TENM2: variants seen among roughly 807,000 people sequenced by gnomAD.
The protein encoded by TENM2 is teneurin transmembrane protein 2.
In TENM2, 52 loss-of-function variants were observed where a neutral mutation model predicts 245.2. That is an observed-to-expected ratio of 0.21 (90% CI 0.17 to 0.27). TENM2 has a LOEUF of 0.27. Among genes scored for constraint, TENM2 ranks in the 10% least tolerant of loss-of-function variants. The pLI is 1.00. For synonymous variants in TENM2, 1,363 were observed against 1,438.9 expected, an observed-to-expected ratio of 0.95 and a Z score of 1.19; for missense variants, 3,046 against 3,666.8, an observed-to-expected ratio of 0.83 and a Z score of 4.37.
the TENM2 span, among the ~76,000 whole-genome samples, chr5:167,097,650 G>T: frequency 6.6e-6 from 1 of 152,096 alleles, no homozygotes; most frequent in African/African-American, 2.4e-5. Context: ...GTGCTTTTTG[G>T]CAGCAAGACA....
At chr5:166,985,609 C>A in the TENM2 span, among the ~76,000 whole-genome samples, 1 of 152,056 alleles carries the variant, frequency 6.6e-6, no homozygotes, top group South Asian at 2.1e-4. Flanking sequence ...CAGATGAAAC[C>A]AATTACTAAA....
chr5:167,513,086 G>A (rs931190510), intron 2 of TENM2, among the ~76,000 whole-genome samples: 2 of 152,126 alleles, frequency 1.3e-5, no homozygotes, highest in African/African-American at 4.8e-5. Context: ...ATTTTTCATA[G>A]ACATGAGATA....
chr5:168,202,555 G>C (rs1369980133), intron 17 of TENM2, among the ~76,000 whole-genome samples: 1 of 149,836 alleles, frequency 6.7e-6, no homozygotes, highest in South Asian at 2.2e-4. Context: ...TTCATTTCTT[G>C]CTCCAGCCAT....
intron 2 of TENM2, among the ~76,000 whole-genome samples, chr5:167,414,715 G>T (rs1184170198): frequency 6.6e-6 from 1 of 152,094 alleles, no homozygotes; most frequent in Non-Finnish European, 1.5e-5. Context: ...ACTAACAGAT[G>T]ATTTAAATGG....
At chr5:167,991,812 G>A (rs1783689144) in intron 4 of TENM2, among the ~76,000 whole-genome samples, 2 of 152,328 alleles carry the variant, frequency 1.3e-5, no homozygotes, top group African/African-American at 4.8e-5. Flanking sequence ...AAGGGTCAGA[G>A]ACAGTGTAGG....
chr5:167,947,381 G>T (rs2545250), intron 3 of TENM2, among the ~76,000 whole-genome samples: 2,383 of 152,246 alleles, frequency 0.016, 61 homozygotes, highest in African/African-American at 0.053. Context: ...TAACAATCAT[G>T]TATGAGAAGT....
chr5:167,373,464 C>T (rs552506410), intron 1 of TENM2, among the ~76,000 whole-genome samples: 1 of 152,232 alleles, frequency 6.6e-6, no homozygotes, highest in Non-Finnish European at 1.5e-5. Context: ...AGGTTTTCTC[C>T]ACTCATAGCA....
At chr5:167,970,798 C>T (rs1297371201) in intron 4 of TENM2, among the ~76,000 whole-genome samples, 1 of 151,724 alleles carries the variant, frequency 6.6e-6, no homozygotes, top group Non-Finnish European at 1.5e-5. Flanking sequence ...GTTTATACTC[C>T]AGTGAATTAA....
At chr5:167,172,417 C>T in the TENM2 span, among the ~76,000 whole-genome samples, 1 of 152,102 alleles carries the variant, frequency 6.6e-6, no homozygotes, top group South Asian at 2.1e-4. Flanking sequence ...GAACCTAAGG[C>T]TCAATTAAGG....
In TENM2 at chr5:167,569,005, A is replaced by G. The variant is rs1347577679; in HGVS notation, c.502+193532A>G. Among the ~76,000 whole-genome samples the G allele has an allele frequency of 2.1e-5, 3 of 140,480 alleles. No homozygotes were observed. In the East Asian group the frequency reaches 7.2e-4, roughly 34 times the overall value. The allele number at this position is 140,480 out of a possible 152,430, so 92.2% of individuals were successfully genotyped here. On this transcript the variant is annotated intron_variant, in intron 2 of 28. Transcript: ENST00000518659. ...TTCCATGCATGGAATGGGTGGCCTG[A>G]GGGGCCCATCTTCAAGCAGAATGTA...
Position 167,640,896 on chromosome 5 carries a change from T to G in TENM2, c.503-235090T>G, listed in dbSNP as rs1195343642. On this transcript the variant is annotated intron_variant, in intron 2 of 28. Transcript: ENST00000518659. ...ATATATATATATATATATATATATATATATATATATCTTTCTCTTAAGCTT... is the reference window on the plus strand; with the variant it reads ...ATATATATATATATATATATATATAGATATATATATCTTTCTCTTAAGCTT... Among the ~76,000 whole-genome samples the G allele has an allele frequency of 3.5e-4, 35 of 99,494 alleles. 1 individual carries two copies. The South Asian group carries it at 0.011, about 30-fold the overall frequency. 65.3% of individuals were successfully genotyped at this position (99,494 alleles called of 152,430 possible).
rs1782701392 is a variant in TENM2 at position 167,979,825 on chromosome 5, C to A, written c.948-13119C>A. ...CTTCACAACAGATTTTAAAAAATAA[C>A]CGTGTGTAGGAATAATACGAACATG... On this transcript the variant is annotated intron_variant, in intron 4 of 28. Transcript: ENST00000518659. Among the ~76,000 whole-genome samples the A allele has an allele frequency of 3.3e-5, 5 of 152,204 alleles. No individual in the cohort carries two copies. The South Asian group carries it at 1.0e-3, about 32-fold the overall frequency.
chr5:167,952,447 G>A (rs1243169988), intron 3 of TENM2, 141 bp from the exon 6 acceptor site: 2 of 677,024 alleles, frequency 3.0e-6, no homozygotes, highest in Non-Finnish European at 5.1e-6. Flanking sequence ...GCCTGCCGCA[G>A]TCTTATCTGT....
At chr5:168,081,726 A>G (rs1381606614) in intron 7 of TENM2, among the ~76,000 whole-genome samples, 1 of 152,164 alleles carries the variant, frequency 6.6e-6, no homozygotes, top group Non-Finnish European at 1.5e-5. Context: ...CTGGGTTGAA[A>G]ATTCTTTTCT....
intron 8 of TENM2, among the ~76,000 whole-genome samples, chr5:168,097,104 A>G (rs1282161654): frequency 2.0e-5 from 3 of 152,234 alleles, no homozygotes; most frequent in Admixed American, 2.0e-4. Context: ...TCCTATTTAA[A>G]GAATTCCAAA....
At chr5:167,117,367 G>C in the TENM2 span, among the ~76,000 whole-genome samples, 1 of 152,140 alleles carries the variant, frequency 6.6e-6, no homozygotes, top group Non-Finnish European at 1.5e-5. Flanking sequence ...GCCAGGTGTG[G>C]TGGCGAGCAC....
At chr5:167,135,900 T>A in the TENM2 span, among the ~76,000 whole-genome samples, 2 of 152,180 alleles carry the variant, frequency 1.3e-5, no homozygotes, top group Admixed American at 6.5e-5. Flanking sequence ...GAAAGTAGTA[T>A]AAACAACAAG....
the TENM2 span, among the ~76,000 whole-genome samples, chr5:167,062,744 A>T: frequency 1.3e-5 from 2 of 152,226 alleles, no homozygotes; most frequent in African/African-American, 4.8e-5. Flanking sequence ...ACATAGCAAT[A>T]AGTGAGATGA....
At chr5:167,703,635 T>C (rs1219528722) in intron 2 of TENM2, among the ~76,000 whole-genome samples, 1 of 152,196 alleles carries the variant, frequency 6.6e-6, no homozygotes, top group Admixed American at 6.5e-5. Flanking sequence ...AGGATTACTT[T>C]ATATCATTTA....
Sources: gnomAD v4.1 joint callset for allele counts (sites outside exome capture counted in the v4.1 genomes callset) on GRCh38, gnomAD v4.1.1 for gene constraint, MANE v1.5 for transcripts, NCBI Gene and HGNC (gene_info 2026-07-23, HGNC 2026-07-21) for gene names.